The following MAGI2 variants were observed in gnomAD, a reference collection of about 807,000 sequenced individuals.
The protein encoded by MAGI2 is membrane-associated guanylate kinase, WW and PDZ domain-containing protein 2.
Under a neutral mutation model 133.3 loss-of-function variants are expected in MAGI2, and 35 were observed. The observed-to-expected ratio is 0.26, with a 90% CI of 0.20 to 0.35. MAGI2 has a LOEUF of 0.35. MAGI2 is among the 10% of genes least tolerant of loss of function. The pLI, the probability that MAGI2 is intolerant of heterozygous loss-of-function variation, is 1.00. For missense variants in MAGI2, 1,636 were observed against 1,863.4 expected, an observed-to-expected ratio of 0.88 and a Z score of 2.25; for synonymous variants, 729 against 710.6, an observed-to-expected ratio of 1.03 and a Z score of -0.41.
intron 1 of MAGI2, among the ~76,000 whole-genome samples, chr7:79,072,051 C>G (rs1815037920): frequency 6.6e-6 from 1 of 152,066 alleles, no homozygotes; most frequent in Admixed American, 6.6e-5. Context: ...AAGGGAAATC[C>G]CCCTACCCCT....
intron 1 of MAGI2, among the ~76,000 whole-genome samples, chr7:79,135,577 G>A (rs1170640299): frequency 6.6e-6 from 1 of 152,050 alleles, no homozygotes; most frequent in African/African-American, 2.4e-5. Flanking sequence ...TGCTTCCCCT[G>A]CCTGTTGCTA....
At chr7:78,891,580 A>T (rs1796751427) in intron 2 of MAGI2, among the ~76,000 whole-genome samples, 1 of 152,214 alleles carries the variant, frequency 6.6e-6, no homozygotes, top group Admixed American at 6.5e-5. Flanking sequence ...CAACATACAC[A>T]AATCAATAAA....
chr7:78,654,091 A>G (rs1056422140), intron 2 of MAGI2, among the ~76,000 whole-genome samples: 1 of 152,186 alleles, frequency 6.6e-6, no homozygotes, highest in Non-Finnish European at 1.5e-5. Flanking sequence ...ATTATCCTAA[A>G]TCCCTAGGAT....
chr7:78,127,085 C>A (rs1017040384), intron 19 of MAGI2, 112 bp downstream of exon 19: 1 of 804,114 alleles, frequency 1.2e-6, no homozygotes, highest in Non-Finnish European at 2.0e-6. Flanking sequence ...AGGAATAGAA[C>A]TTCAGCTCTC....
intron 1 of MAGI2, among the ~76,000 whole-genome samples, chr7:79,138,395 C>T (rs1428734479): frequency 6.6e-6 from 1 of 152,140 alleles, no homozygotes; most frequent in East Asian, 1.9e-4. Flanking sequence ...AATTTAACTA[C>T]CCAATGTTCC....
At chr7:78,452,243 A>T (rs1788800217) in intron 6 of MAGI2, among the ~76,000 whole-genome samples, 1 of 152,038 alleles carries the variant, frequency 6.6e-6, no homozygotes, top group African/African-American at 2.4e-5. Flanking sequence ...ATTAAGTAGC[A>T]GAATCAGTAC....
intron 3 of MAGI2, among the ~76,000 whole-genome samples, chr7:78,582,056 G>C (rs561560678): frequency 6.6e-6 from 1 of 152,212 alleles, no homozygotes; most frequent in Admixed American, 6.5e-5. Context: ...AAAGGGGTAA[G>C]GGGATGATGA....
intron 1 of MAGI2, among the ~76,000 whole-genome samples, chr7:79,262,798 C>T (rs1258411656): frequency 6.6e-6 from 1 of 152,204 alleles, no homozygotes; most frequent in Non-Finnish European, 1.5e-5. Flanking sequence ...ATGAAGTTAG[C>T]ATATTAATAA....
chr7:78,041,360 G>A (rs7795778), intron 21 of MAGI2, among the ~76,000 whole-genome samples: 90,026 of 151,826 alleles, frequency 0.59, 28,089 homozygotes, highest in African/African-American at 0.8. Flanking sequence ...CTTGCTGCAA[G>A]GCTGCTCTCT....
chr7:78,324,945 G>A (rs577979655), intron 9 of MAGI2, among the ~76,000 whole-genome samples: 13 of 152,168 alleles, frequency 8.5e-5, no homozygotes, highest in Middle Eastern at 3.4e-3. Context: ...CAGCCTGGGC[G>A]ACAAGAGCAA....
At chr7:78,512,816 C>T (rs991012353) in intron 4 of MAGI2, among the ~76,000 whole-genome samples, 4 of 151,928 alleles carry the variant, frequency 2.6e-5, no homozygotes, top group Middle Eastern at 3.2e-3. Flanking sequence ...GTTTGAAGTA[C>T]TAAAAGAACA....
At chr7:78,686,437 G>A (rs554936988) in intron 2 of MAGI2, among the ~76,000 whole-genome samples, 5 of 151,868 alleles carry the variant, frequency 3.3e-5, no homozygotes, top group African/African-American at 9.7e-5. Context: ...AGGGGAAACC[G>A]TTTGTGTAAT....
intron 1 of MAGI2, among the ~76,000 whole-genome samples, chr7:79,195,113 T>C (rs1048963413): frequency 6.6e-6 from 1 of 151,996 alleles, no homozygotes; most frequent in East Asian, 1.9e-4. Flanking sequence ...AAAGATAAAA[T>C]TAACAACTGT....
At chr7:78,851,915 G>A (rs960058489) in intron 2 of MAGI2, among the ~76,000 whole-genome samples, 5 of 152,006 alleles carry the variant, frequency 3.3e-5, no homozygotes, top group Non-Finnish European at 5.9e-5. Context: ...AGAGTTGATG[G>A]AACACAAAAC....
intron 1 of MAGI2, among the ~76,000 whole-genome samples, chr7:79,432,789 A>T (rs1281380904): frequency 6.6e-6 from 1 of 152,314 alleles, no homozygotes; most frequent in Admixed American, 6.5e-5. Context: ...TGCGATGGTG[A>T]TGATAAAGGT....
chr7:78,996,752 T>C (rs142230261), intron 2 of MAGI2, among the ~76,000 whole-genome samples: 127 of 152,316 alleles, frequency 8.3e-4, no homozygotes, highest in African/African-American at 2.8e-3. Flanking sequence ...TTCCCTGTAG[T>C]TGCCAATTCT....
chr7:78,383,091 T>C (rs1562921721), intron 6 of MAGI2, among the ~76,000 whole-genome samples: 1 of 152,128 alleles, frequency 6.6e-6, no homozygotes, highest in Non-Finnish European at 1.5e-5. Context: ...GGTATCTCTT[T>C]GATATATTGA....
intron 6 of MAGI2, among the ~76,000 whole-genome samples, chr7:78,460,017 G>A (rs542365834): frequency 2.0e-4 from 30 of 152,330 alleles, no homozygotes; most frequent in Non-Finnish European, 2.9e-4. Flanking sequence ...CTGTCTTCTA[G>A]TGTTTCCCAA....
intron 20 of MAGI2, among the ~76,000 whole-genome samples, chr7:78,088,130 A>G (rs1816822888): frequency 6.6e-6 from 1 of 152,136 alleles, no homozygotes; most frequent in Non-Finnish European, 1.5e-5. Flanking sequence ...TATGAGTGTT[A>G]TTTCTCTTCC....
Sources: allele counts gnomAD v4.1 joint callset (sites outside exome capture counted in the v4.1 genomes callset), GRCh38; gene constraint gnomAD v4.1.1; transcripts MANE v1.5; gene names NCBI Gene and HGNC (gene_info 2026-07-23, HGNC 2026-07-21).